AFMID: variants seen among roughly 807,000 people sequenced by gnomAD.
The protein encoded by AFMID is kynurenine formamidase.
A neutral mutation model predicts 47.5 loss-of-function variants in AFMID; 39 were observed. The observed-to-expected ratio is 0.82, with a 90% CI of 0.64 to 1.07. The LOEUF (loss-of-function observed/expected upper bound fraction) is 1.07. AFMID is among the 50% of genes least tolerant of loss of function. The probability of loss-of-function intolerance (pLI) is 0.00; values close to 1 mark genes in which losing one functional copy is unlikely to be tolerated. For synonymous variants in AFMID, 130 were observed against 153.2 expected (o/e 0.85, Z 1.12); for missense variants, 375 against 387.5 (o/e 0.97, Z 0.27).
intron 2 of AFMID, among the ~76,000 whole-genome samples, chr17:78,193,656 G>A (rs1347341105): frequency 4.0e-5 from 6 of 151,838 alleles, no homozygotes; most frequent in Non-Finnish European, 7.4e-5. Flanking sequence ...AGACCAGCCT[G>A]GGCAACATAG....
chr17:78,200,276 T>A (rs542803365), intron 2 of AFMID, among the ~76,000 whole-genome samples: 2 of 152,110 alleles, frequency 1.3e-5, no homozygotes, highest in Middle Eastern at 3.2e-3. Flanking sequence ...TGCCTCAGCC[T>A]CCCAAGTAGC....
intron 1 of AFMID, 150 bp from the exon 2 acceptor site, chr17:78,190,820 A>C: frequency 1.5e-6 from 1 of 661,340 alleles, no homozygotes; most frequent in Non-Finnish European, 2.6e-6. Flanking sequence ...GTATACCTCT[A>C]GACCATGGAT....
At chr17:78,204,926 C>G (rs2145878882) in intron 6 of AFMID, 26 bp downstream of exon 6, 1 of 1,613,870 alleles carries the variant, frequency 6.2e-7, no homozygotes, top group East Asian at 2.2e-5. Flanking sequence ...AGATTTTCTT[C>G]CTGTTGGACC....
intron 1 of AFMID, among the ~76,000 whole-genome samples, chr17:78,188,154 C>T (rs1335508909): frequency 1.3e-5 from 2 of 149,046 alleles, no homozygotes; most frequent in Admixed American, 6.7e-5. Flanking sequence ...GGTGCGGTGG[C>T]TCAAAAAAAA....
intron 2 of AFMID, among the ~76,000 whole-genome samples, chr17:78,201,649 C>G (rs1033377489): frequency 1.3e-5 from 2 of 152,220 alleles, no homozygotes; most frequent in East Asian, 1.9e-4. Flanking sequence ...AAAAGTATAG[C>G]GCACATAATA....
intron 2 of AFMID, among the ~76,000 whole-genome samples, chr17:78,199,078 G>C (rs2076183835): frequency 6.6e-6 from 1 of 152,262 alleles, no homozygotes; most frequent in African/African-American, 2.4e-5. Context: ...TACGCAGGGA[G>C]CCCTGCAGGG....
chr17:78,187,558 T>G (rs2075828387), intron 1 of AFMID, 125 bp downstream of exon 1: 1 of 986,782 alleles, frequency 1.0e-6, no homozygotes, highest in Non-Finnish European at 1.5e-6. Context: ...GAGCGCCTAG[T>G]GCGTGCCAGG....
intron 2 of AFMID, among the ~76,000 whole-genome samples, chr17:78,193,793 C>G (rs898919033): frequency 6.6e-6 from 1 of 151,860 alleles, no homozygotes; most frequent in Non-Finnish European, 1.5e-5. Context: ...CTGGCTAACA[C>G]GGTGAAACCC....
intron 1 of AFMID, among the ~76,000 whole-genome samples, chr17:78,189,099 C>G (rs980661071): frequency 6.6e-6 from 1 of 152,032 alleles, no homozygotes; most frequent in Admixed American, 6.6e-5. Flanking sequence ...GAGGATAAAA[C>G]AGTAAGTAAG....
intron 8 of AFMID, 34 bp from the exon 9 acceptor site, chr17:78,205,569 C>G (rs750991747): frequency 6.2e-7 from 1 of 1,614,114 alleles, no homozygotes; most frequent in South Asian, 1.1e-5. Context: ...CCTGGCTCCT[C>G]TCTGTCCTGA....
rs751368744 is a variant in AFMID, at chr17:78,206,979, T to G, written c.*42T>G. 8 of 1,608,288 alleles carry G rather than the reference T, an allele frequency of 5.0e-6. No homozygotes were observed. The South Asian group carries it at 5.5e-5, about 11-fold the overall frequency. Reference sequence around the variant, plus strand: ...AGCCTGGTCCACGTGCATCCCACCTTGGGAAGCCTCTCCAAAGAGCTTTCG... The same window carrying G: ...AGCCTGGTCCACGTGCATCCCACCTGGGGAAGCCTCTCCAAAGAGCTTTCG... On this transcript the variant is annotated 3_prime_UTR_variant, in exon 11 of 11. Coordinates refer to ENST00000409257, the MANE Select transcript of AFMID (RefSeq NM_001010982.5).
chr17:78,192,435 CT>C (rs2075996835), intron 2 of AFMID, among the ~76,000 whole-genome samples: 1 of 150,276 alleles, frequency 6.7e-6, no homozygotes, highest in South Asian at 2.1e-4. Flanking sequence ...CTGCCTCAGC[CT>C]CCTGAGTAGC....
intron 2 of AFMID, among the ~76,000 whole-genome samples, chr17:78,195,668 A>G (rs976085179): frequency 1.3e-5 from 2 of 150,584 alleles, no homozygotes; most frequent in Non-Finnish European, 2.9e-5. Flanking sequence ...ACGTCCAGCT[A>G]ATTTTGTATT....
chr17:78,207,024 C>CGA lies in AFMID; in HGVS notation c.*87_*88insGA. ...CTTTCGGAGCTGACACTGACAGCTT[C>CGA]AGTTTCCCCCAGCACCCAGGAGAGC... On this transcript the variant is annotated 3_prime_UTR_variant, in exon 11 of 11. Coordinates refer to ENST00000409257, the MANE Select transcript of AFMID (RefSeq NM_001010982.5). 1.4e-6 allele frequency: 2 copies of CGA among 1,388,040 alleles called. No homozygotes were observed. Among genetic ancestry groups the CGA allele is most frequent in the Non-Finnish European group, 2.1e-6 (2 of 974,788 alleles). 86.0% of individuals were successfully genotyped at this position (1,388,040 alleles called of 1,614,324 possible).
intron 10 of AFMID, 64 bp from the exon 11 acceptor site, chr17:78,206,847 A>C: frequency 6.3e-7 from 1 of 1,586,200 alleles, no homozygotes. Context: ...TCATTTCCTT[A>C]ATCAAATTCC....
intron 2 of AFMID, chr17:78,192,846 CT>C: frequency 3.6e-6 from 1 of 275,506 alleles, no homozygotes; most frequent in Non-Finnish European, 7.6e-6. Flanking sequence ...TCAACACAGC[CT>C]TTCAGAGGCA....
intron 1 of AFMID, among the ~76,000 whole-genome samples, chr17:78,188,410 G>A (rs940554110): frequency 5.3e-5 from 8 of 152,124 alleles, no homozygotes; most frequent in African/African-American, 1.7e-4. Flanking sequence ...TTTTAACCTT[G>A]TGATTTGGAT....
At chr17:78,197,456 C>T in intron 2 of AFMID, 1 of 438,532 alleles carries the variant, frequency 2.3e-6, no homozygotes, top group Non-Finnish European at 4.1e-6. Context: ...GGATTGGTGG[C>T]AGGTCTGCAG....
chr17:78,203,009 A>C (rs769411793), intron 4 of AFMID: 56 of 468,936 alleles, frequency 1.2e-4, no homozygotes, highest in Non-Finnish European at 1.7e-4. Context: ...CTCTGCCTCC[A>C]TTCACATGTG....
Sources: allele counts gnomAD v4.1 joint callset (sites outside exome capture counted in the v4.1 genomes callset), GRCh38; gene constraint gnomAD v4.1.1; transcripts MANE v1.5; gene names NCBI Gene and HGNC (gene_info 2026-07-23, HGNC 2026-07-21).